Variants in CNNM4 observed in about 807,000 individuals in gnomAD.
The protein encoded by CNNM4 is metal transporter CNNM4.
Under a neutral mutation model 53.7 loss-of-function variants are expected in CNNM4, and 32 were observed. That is an observed-to-expected ratio of 0.60 (90% CI 0.45 to 0.80). The LOEUF is 0.80. CNNM4 is among the 30% of genes least tolerant of loss of function. The probability of loss-of-function intolerance (pLI) is 0.00; values close to 1 mark genes in which losing one functional copy is unlikely to be tolerated. For synonymous variants in CNNM4, 410 were observed against 440.0 expected (o/e 0.93, Z 0.85); for missense variants, 784 against 1,022.0 (o/e 0.77, Z 3.17).
chr2:96,769,645 C>T (rs2078851076), intron 1 of CNNM4, among the ~76,000 whole-genome samples: 1 of 151,688 alleles, frequency 6.6e-6, no homozygotes, highest in South Asian at 2.1e-4. Flanking sequence ...GCTGAGGCGA[C>T]TCCTTGATGG....
At chr2:96,794,406 G>A (rs916371311) in intron 1 of CNNM4, among the ~76,000 whole-genome samples, 5 of 152,154 alleles carry the variant, frequency 3.3e-5, no homozygotes, top group Admixed American at 1.3e-4. Context: ...ACTTCTGGAC[G>A]CTTCCAGGGC....
intron 1 of CNNM4, among the ~76,000 whole-genome samples, chr2:96,785,563 C>T (rs1384326779): frequency 3.3e-5 from 5 of 151,988 alleles, no homozygotes; most frequent in East Asian, 3.9e-4. Flanking sequence ...TCCAGGAGGC[C>T]GAGGCTACAG....
At chr2:96,796,954 G>A in intron 1 of CNNM4, 58 bp from the exon 2 acceptor site, 1 of 1,587,650 alleles carries the variant, frequency 6.3e-7, no homozygotes, top group Non-Finnish European at 8.6e-7. Flanking sequence ...TGTTTTGGTT[G>A]AGGGAGTCTC....
At chr2:96,764,352 A>G (rs1350596973) in intron 1 of CNNM4, among the ~76,000 whole-genome samples, 2 of 151,854 alleles carry the variant, frequency 1.3e-5, no homozygotes, top group Non-Finnish European at 2.9e-5. Context: ...GGTTCAGTTT[A>G]CTCCGGGAAA....
intron 1 of CNNM4, among the ~76,000 whole-genome samples, chr2:96,766,785 G>A (rs2078823152): frequency 6.6e-6 from 1 of 152,214 alleles, no homozygotes; most frequent in Non-Finnish European, 1.5e-5. Context: ...GAGTGAGTAA[G>A]TGAGTGAATG....
chr2:96,787,390 G>C (rs889807715), intron 1 of CNNM4, among the ~76,000 whole-genome samples: 4 of 152,060 alleles, frequency 2.6e-5, no homozygotes, highest in Admixed American at 6.6e-5. Context: ...TGTATTTATT[G>C]TATTTCTATT....
chr2:96,799,610 C>G lies in CNNM4; in HGVS notation c.1910C>G (p.Ser637Cys). Residue 637 changes from serine to cysteine, a missense_variant, in exon 5 of 7, where the codon TCC becomes TGC. Ser to Cys is a moderately radical substitution (Grantham distance 112). Transcript: ENST00000377075. ...ATGAAGTTTGAGACGGGCGCCTTCT[C>G]CTACTATGGGACTATGGCCCTGACC... ...ENMKFETGAFSYYGTMALTSV... is the reference protein window; with the variant it reads ...ENMKFETGAFCYYGTMALTSV... 1 of 1,554,040 alleles carries G rather than the reference C, an allele frequency of 6.4e-7. No individual in the cohort carries two copies. The highest frequency in any genetic ancestry group is 2.4e-5 in the East Asian group (1 of 41,124).
At chr2:96,793,378 G>T (rs763785677) in intron 1 of CNNM4, among the ~76,000 whole-genome samples, 5 of 152,238 alleles carry the variant, frequency 3.3e-5, no homozygotes, top group Non-Finnish European at 7.3e-5. Context: ...CCTGCAGAGG[G>T]TGACTGACTG....
rs2079254455 is a variant in CNNM4 at position 96,811,196 on chromosome 2, G to GGA, written c.*1684_*1685dup. The GGA allele has an allele frequency of 6.6e-6, 1 of 152,296 alleles. No individual in the cohort carries two copies. Among genetic ancestry groups the GGA allele is most frequent in the Non-Finnish European group, 1.5e-5 (1 of 68,092 alleles). 9.4% of individuals were successfully genotyped at this position (152,296 alleles called of 1,614,324 possible). A position where few individuals can be genotyped will look rare whatever the true frequency, so the allele number is the denominator to read the frequency against. On this transcript the variant is annotated 3_prime_UTR_variant, in exon 7 of 7. Coordinates refer to ENST00000377075, the MANE Select transcript of CNNM4 (RefSeq NM_020184.4). ...CCATAGAACTGACTCCTGGAAGCCT[G>GGA]GAGAGAAGGTGGTGACACCCATGGG...
Position 96,797,132 on chromosome 2 carries a change from T to C in CNNM4, c.1523T>C (p.Ile508Thr). Residue 508 changes from isoleucine (I) to threonine (T), a missense_variant, in exon 2 of 7, where the codon ATC becomes ACC. This residue lies in a region of CNNM4 where 307 missense variants were observed against 376.3 expected (regional missense o/e 0.82). Transcript: ENST00000377075. This position sits in a 1 kb window ranked among gnomAD's most constrained non-coding sequence, Gnocchi z 6.0. ...DVIEEIIKSE[I>T]LDESDMYTDN... ...ATCGAGGAGATCATCAAGTCGGAGATCCTGGACGAGTCCGACATGTACAGT... is the reference window on the plus strand; with the variant it reads ...ATCGAGGAGATCATCAAGTCGGAGACCCTGGACGAGTCCGACATGTACAGT... 1.2e-6 allele frequency: 2 copies of C among 1,614,144 alleles called. No homozygotes were observed. Among genetic ancestry groups the C allele is most frequent in the Non-Finnish European group, 1.7e-6 (2 of 1,180,018 alleles).
chr2:96,799,680 T>C lies in CNNM4; in HGVS notation c.1948+32T>C, dbSNP rs1224395399. The C allele has an allele frequency of 6.7e-6, 10 of 1,493,572 alleles. No homozygotes were observed. In the East Asian group the frequency reaches 1.7e-4, roughly 26 times the overall value. 92.5% of individuals were successfully genotyped at this position (1,493,572 alleles called of 1,614,324 possible). A position where few individuals can be genotyped will look rare whatever the true frequency, so the allele number is the denominator to read the frequency against. On this transcript the variant is annotated intron_variant, in intron 5 of 6. Transcript: ENST00000377075. The stretch of plus-strand genomic sequence containing the variant: ...TGTTGGGCATGGTCTTTGCTGCCCT[T>C]TGGCCCCCCTGCAGCTGGGGAGCCA...
intron 1 of CNNM4, among the ~76,000 whole-genome samples, chr2:96,785,762 C>T (rs539165976): frequency 6.6e-6 from 1 of 152,036 alleles, no homozygotes; most frequent in African/African-American, 2.4e-5. Context: ...TATGATTGTA[C>T]CACTGTTGTC....
rs550344235 is a variant in CNNM4 at position 96,765,221 on chromosome 2, G to T, written c.1402+2820G>T. Among the ~76,000 whole-genome samples the T allele has an allele frequency of 4.7e-5, 7 of 149,902 alleles. No homozygotes were observed. The East Asian group carries it at 1.4e-3, about 30-fold the overall frequency. ...GGCTCGCTGCAACCTCTACCTCCCG[G>T]GTTAAAGCGATTCTTCTGCCTCAGC... On this transcript the variant is annotated intron_variant, in intron 1 of 6. Coordinates refer to ENST00000377075, the MANE Select transcript of CNNM4 (RefSeq NM_020184.4).
intron 1 of CNNM4, among the ~76,000 whole-genome samples, chr2:96,769,779 C>T (rs1053161074): frequency 1.3e-5 from 2 of 152,148 alleles, no homozygotes; most frequent in South Asian, 2.1e-4. Context: ...AGAGCAGCCT[C>T]GGACAAGTGG....
intron 1 of CNNM4, among the ~76,000 whole-genome samples, chr2:96,772,379 G>GTGCA (rs2078882205): frequency 8.1e-6 from 1 of 124,198 alleles, no homozygotes. Flanking sequence ...ACACACGTGC[G>GTGCA]CACACACACT....
intron 3 of CNNM4, among the ~76,000 whole-genome samples, chr2:96,798,107 T>C (rs950165402): frequency 1.3e-5 from 2 of 151,842 alleles, no homozygotes; most frequent in Admixed American, 6.6e-5. Context: ...CAGTTGCATG[T>C]CTGTGGTCCC....
At chr2:96,799,724 G>A in intron 5 of CNNM4, 76 bp downstream of exon 5, 2 of 1,226,670 alleles carry the variant, frequency 1.6e-6, no homozygotes, top group Non-Finnish European at 2.3e-6. Flanking sequence ...CACCAGAACT[G>A]AGCATGGGCC....
chr2:96,798,983 G>A, intron 3 of CNNM4, 74 bp from the exon 4 acceptor site: 1 of 1,434,774 alleles, frequency 7.0e-7, no homozygotes, highest in South Asian at 1.1e-5. Context: ...GGTTGGGGTG[G>A]AGGCACAGCA....
chr2:96,786,090 TAAAG>T (rs2079013983), intron 1 of CNNM4, among the ~76,000 whole-genome samples: 1 of 141,238 alleles, frequency 7.1e-6, no homozygotes, highest in Admixed American at 7.0e-5. Flanking sequence ...CTGTCTCAAA[TAAAG>T]AAAAAAAAAA....
Sources: gnomAD v4.1 joint callset for allele counts (sites outside exome capture counted in the v4.1 genomes callset) on GRCh38, gnomAD v4.1.1 for gene constraint, gnomAD v4.1.1 regional missense constraint, Gnocchi (gnomAD v3.1) non-coding constraint, MANE v1.5 for transcripts, NCBI Gene and HGNC (gene_info 2026-07-23, HGNC 2026-07-21) for gene names.